Variants in LVRN observed in about 807,000 individuals in gnomAD.
The protein encoded by LVRN is aminopeptidase Q.
In LVRN, 99 loss-of-function variants were observed where a neutral mutation model predicts 111.4. The observed-to-expected ratio is 0.89, with a 90% CI of 0.76 to 1.05. The LOEUF (loss-of-function observed/expected upper bound fraction) is 1.05, where lower values mean the gene tolerates loss of function less well. LVRN is among the 50% of genes least tolerant of loss of function. The pLI is 0.00. For synonymous variants in LVRN, 488 were observed against 449.5 expected (o/e 1.09, Z -1.08); for missense variants, 1,414 against 1,206.8 (o/e 1.17, Z -2.54).
chr5:116,010,578 G>A (rs1001076248), intron 13 of LVRN, 163 bp from the exon 14 acceptor site: 7 of 751,012 alleles, frequency 9.3e-6, no homozygotes, highest in African/African-American at 5.2e-5. Context: ...ACTTTGCTTG[G>A]GTTTCATCCT....
Position 116,003,229 on chromosome 5 carries a change from A to T in LVRN, c.1898-12A>T. ...ATGTACCATTTCAAATTATTCCCAT[A>T]TTCCTTTATAGAAGTATTCCCAGAA... On this transcript the variant is annotated splice_polypyrimidine_tract_variant and intron_variant, in intron 11 of 19. Coordinates refer to ENST00000357872, the MANE Select transcript of LVRN (RefSeq NM_173800.5). 6.4e-7 allele frequency: 1 copy of T among 1,564,904 alleles called. No homozygotes were observed. The highest frequency in any genetic ancestry group is 1.4e-5 in the African/African-American group (1 of 72,500).
chr5:115,998,050 A>C (rs1580389580), intron 6 of LVRN, among the ~76,000 whole-genome samples: 1 of 152,234 alleles, frequency 6.6e-6, no homozygotes, highest in South Asian at 2.1e-4. Context: ...GAGTAGCAAT[A>C]TGTGCAAAAA....
At chr5:116,025,889 A>C in intron 19 of LVRN, 89 bp from the exon 20 acceptor site, 1 of 1,531,306 alleles carries the variant, frequency 6.5e-7, no homozygotes, top group Non-Finnish European at 8.8e-7. Context: ...CCAATTTACA[A>C]ACTCATGTTG....
Position 115,992,266 on chromosome 5 carries a change from A to C in LVRN, c.1249A>C (p.Ile417Leu). 1.2e-6 allele frequency: 2 copies of C among 1,613,816 alleles called. No individual in the cohort carries two copies. Among genetic ancestry groups the C allele is most frequent in the Non-Finnish European group, 1.7e-6 (2 of 1,179,858 alleles). The change falls in exon 5 of 20, where the codon ATT becomes CTT. Residue 417 changes from isoleucine to leucine, a missense_variant. Ile to Leu is a conservative substitution (Grantham distance 5). Coordinates refer to ENST00000357872, the MANE Select transcript of LVRN (RefSeq NM_173800.5). ...TLISYVVSHE[I>L]GHQWFGNLVT... ...GATCTCCTATGTTGTCTCCCACGAG[A>C]TTGGACACCAGGCATGTGGTAAAAT...
intron 6 of LVRN, among the ~76,000 whole-genome samples, chr5:115,996,905 C>A (rs4921048): frequency 0.28 from 43,217 of 152,082 alleles, 6,525 homozygotes; most frequent in Non-Finnish European, 0.32. Flanking sequence ...AAAATGGGTT[C>A]TTGCAGTCAT....
At position 116,012,418 on chromosome 5, in the gene LVRN, A is replaced by T. The variant is rs1346145967; in HGVS notation, c.2292A>T (p.Ser764=). The change falls in exon 15 of 20, where the codon TCA becomes TCT. Residue 764 remains serine (S), a synonymous_variant. Coordinates refer to ENST00000357872, the MANE Select transcript of LVRN (RefSeq NM_173800.5). ...TTAATTTAATATGGAATATTTATTCAACTATAATTCGTGAAAATGTGTTGG... is the reference window on the plus strand; with the variant it reads ...TTAATTTAATATGGAATATTTATTCTACTATAATTCGTGAAAATGTGTTGG... ...KRLNLIWNIY[S]TIIRENVLAL... 6.5e-7 allele frequency: 1 copy of T among 1,545,350 alleles called. No individual in the cohort carries two copies. Among genetic ancestry groups the T allele is most frequent in the African/African-American group, 1.4e-5 (1 of 72,930 alleles).
chr5:115,963,956 C>T (rs58658485), intron 1 of LVRN, among the ~76,000 whole-genome samples: 1 of 152,132 alleles, frequency 6.6e-6, no homozygotes, highest in African/African-American at 2.4e-5. Flanking sequence ...AACCGCTTGC[C>T]CCTCAAAGGT....
chr5:115,962,680 G>T lies in LVRN; in HGVS notation c.63G>T (p.Gly21=), dbSNP rs1163675073. 1 of 1,610,514 alleles carries T rather than the reference G, an allele frequency of 6.2e-7. No homozygotes were observed. The highest frequency in any genetic ancestry group is 2.2e-5 in the East Asian group (1 of 44,822). Residue 21 remains glycine (G), a synonymous_variant, in exon 1 of 20, where the codon GGG becomes GGT. Transcript: ENST00000357872. ...VSRAVALLLA[G]LVAALLLALA... is the part of the protein sequence containing the mutation. ...GCGCAGTGGCCCTGCTGCTGGCTGG[G>T]CTGGTAGCCGCCCTCCTGCTGGCGC...
chr5:116,000,812 A>G (rs1748222270), intron 9 of LVRN, among the ~76,000 whole-genome samples, 154 bp downstream of exon 9: 1 of 152,208 alleles, frequency 6.6e-6, no homozygotes, highest in African/African-American at 2.4e-5. Context: ...TTTAGTCTTC[A>G]CTATATTCCC....
intron 18 of LVRN, chr5:116,021,670 A>T: frequency 2.3e-6 from 1 of 444,164 alleles, no homozygotes. Flanking sequence ...CCATTATAAT[A>T]ACCCTATTTT....
chr5:115,964,489 T>G (rs1276154863), intron 1 of LVRN, among the ~76,000 whole-genome samples: 1 of 152,238 alleles, frequency 6.6e-6, no homozygotes, highest in Non-Finnish European at 1.5e-5. Flanking sequence ...ATTTTCTTAT[T>G]TAGATGATGT....
At chr5:116,009,110 A>G (rs1195105022) in intron 13 of LVRN, among the ~76,000 whole-genome samples, 5 of 152,202 alleles carry the variant, frequency 3.3e-5, no homozygotes, top group African/African-American at 9.6e-5. Context: ...ATGCTCATTT[A>G]CCATTCTGTA....
intron 2 of LVRN, 65 bp downstream of exon 2, chr5:115,983,494 C>A: frequency 6.7e-7 from 1 of 1,489,196 alleles, no homozygotes; most frequent in Non-Finnish European, 9.0e-7. Flanking sequence ...CACATTTATA[C>A]CAGTAGCTTT....
intron 6 of LVRN, among the ~76,000 whole-genome samples, chr5:115,996,034 A>G (rs1211689160): frequency 6.6e-6 from 1 of 151,710 alleles, no homozygotes; most frequent in East Asian, 1.9e-4. Context: ...CTTTCCACTT[A>G]CTCTATGCCT....
intron 15 of LVRN, 59 bp downstream of exon 15, chr5:116,012,527 A>G: frequency 1.0e-6 from 1 of 998,036 alleles, no homozygotes; most frequent in Non-Finnish European, 1.5e-6. Flanking sequence ...ATAGGCTTCC[A>G]GAAGTAATAA....
chr5:116,021,237 A>C (rs73783065), intron 18 of LVRN: 7,906 of 152,190 alleles, frequency 0.052, 570 homozygotes, highest in African/African-American at 0.16. Flanking sequence ...CCTCGGGTAA[A>C]CTTTCTCCTG....
chr5:116,014,182 CT>C (rs1187570128), intron 15 of LVRN, among the ~76,000 whole-genome samples: 2 of 152,134 alleles, frequency 1.3e-5, no homozygotes, highest in Non-Finnish European at 2.9e-5. Flanking sequence ...TTGTTTCTAA[CT>C]TTCAAAAAAT....
intron 1 of LVRN, chr5:115,974,958 C>G: frequency 4.7e-6 from 2 of 428,932 alleles, no homozygotes; most frequent in Admixed American, 2.7e-5. Flanking sequence ...TCTGCAACTG[C>G]CTTTTGGGAA....
chr5:116,013,220 A>G (rs1748527320), intron 15 of LVRN, among the ~76,000 whole-genome samples: 1 of 152,186 alleles, frequency 6.6e-6, no homozygotes, highest in East Asian at 1.9e-4. Flanking sequence ...TTCTGTCTCA[A>G]TAGTACTCTT....
Sources: gnomAD v4.1 joint callset for allele counts (sites outside exome capture counted in the v4.1 genomes callset) on GRCh38, gnomAD v4.1.1 for gene constraint, MANE v1.5 for transcripts, NCBI Gene and HGNC (gene_info 2026-07-23, HGNC 2026-07-21) for gene names.